The following ELAVL4 variants were observed in gnomAD, a reference collection of about 807,000 sequenced individuals.
The protein encoded by ELAVL4 is ELAV like RNA binding protein 4.
A neutral mutation model predicts 35.6 loss-of-function variants in ELAVL4; 1 was observed. That is an observed-to-expected ratio of 0.03 (90% CI 0.01 to 0.13). ELAVL4 has a LOEUF of 0.13. Among genes scored for constraint, ELAVL4 ranks in the 10% least tolerant of loss-of-function variants. The probability of loss-of-function intolerance (pLI) is 1.00; values close to 1 mark genes in which losing one functional copy is unlikely to be tolerated. For synonymous variants in ELAVL4, 156 were observed against 171.0 expected (o/e 0.91, Z 0.69); for missense variants, 267 against 464.9 (o/e 0.57, Z 3.91).
At chr1:50,170,424 G>A (rs1678792753) in intron 2 of ELAVL4, among the ~76,000 whole-genome samples, 2 of 152,086 alleles carry the variant, frequency 1.3e-5, no homozygotes, top group South Asian at 4.2e-4. Context: ...CCATGAGTTG[G>A]GTGTGTAGTA....
chr1:50,048,264 G>C (rs1663172682), intron 1 of ELAVL4: 2 of 1,404,478 alleles, frequency 1.4e-6, no homozygotes, highest in East Asian at 3.0e-5. Flanking sequence ...ACGTGGTCGC[G>C]ACTGGCTTCT....
At chr1:50,093,354 T>G (rs953151166) in intron 1 of ELAVL4, among the ~76,000 whole-genome samples, 2 of 152,222 alleles carry the variant, frequency 1.3e-5, no homozygotes, top group African/African-American at 4.8e-5. Context: ...CACACATTAC[T>G]GTGCTCAGTG....
intron 2 of ELAVL4, among the ~76,000 whole-genome samples, chr1:50,157,632 T>C (rs1256633912): frequency 6.6e-6 from 1 of 152,206 alleles, no homozygotes; most frequent in Non-Finnish European, 1.5e-5. Flanking sequence ...AATGAATGAT[T>C]TTTCCTCCAT....
chr1:50,095,205 C>A (rs1665669773), intron 1 of ELAVL4, among the ~76,000 whole-genome samples: 1 of 152,106 alleles, frequency 6.6e-6, no homozygotes, highest in Non-Finnish European at 1.5e-5. Flanking sequence ...TCAAACCCGT[C>A]TTTTGACTCC....
At chr1:50,048,195 C>T (rs1422890642) in intron 1 of ELAVL4, 6 of 1,519,006 alleles carry the variant, frequency 3.9e-6, no homozygotes, top group South Asian at 3.7e-5. Context: ...AGAAGCGCCT[C>T]GGCGCAGGCC....
chr1:50,065,116 C>T (rs1664197339), intron 1 of ELAVL4, among the ~76,000 whole-genome samples: 1 of 152,080 alleles, frequency 6.6e-6, no homozygotes, highest in Non-Finnish European at 1.5e-5. Context: ...AGTTACAGCC[C>T]AACCAGTCTG....
chr1:50,104,366 A>G (rs1159984673), upstream of ELAVL4, among the ~76,000 whole-genome samples: 1 of 152,256 alleles, frequency 6.6e-6, no homozygotes, highest in African/African-American at 2.4e-5. Flanking sequence ...TGTTTAAGAC[A>G]TATGGTGAGT....
chr1:50,146,504 G>A (rs753878022), intron 2 of ELAVL4, among the ~76,000 whole-genome samples: 2 of 152,088 alleles, frequency 1.3e-5, no homozygotes, highest in African/African-American at 4.8e-5. Context: ...TGGTCCCTCA[G>A]TAAATAAATC....
chr1:50,079,769 T>C (rs1053239499), intron 1 of ELAVL4, among the ~76,000 whole-genome samples: 1 of 152,142 alleles, frequency 6.6e-6, no homozygotes, highest in African/African-American at 2.4e-5. Flanking sequence ...AAACTTAAGG[T>C]TTTAGTTGTT....
At chr1:50,139,695 T>G (rs1672491186) in intron 1 of ELAVL4, among the ~76,000 whole-genome samples, 1 of 152,084 alleles carries the variant, frequency 6.6e-6, no homozygotes, top group South Asian at 2.1e-4. Flanking sequence ...TTGAGAGAGG[T>G]GCCAGAAGGG....
chr1:50,118,540 C>T (rs1668346922), intron 1 of ELAVL4, among the ~76,000 whole-genome samples: 1 of 151,848 alleles, frequency 6.6e-6, no homozygotes, highest in African/African-American at 2.4e-5. Flanking sequence ...CCACAAAAGC[C>T]TTGGCGTAGT....
rs184465122 is a variant in ELAVL4, at chr1:50,141,033, G to A, written c.10-3924G>A. 5.5e-3 allele frequency among the ~76,000 whole-genome samples: 844 copies of A among 152,226 alleles called. 5 individuals carry two copies. The highest frequency in any genetic ancestry group is 8.6e-3 in the Non-Finnish European group (583 of 68,014). ...GCAAGGAAGGCCACAAAGCTGATGCGGGGACTGAAATTACTTTGCTGCAGC... is the reference window on the plus strand; with the variant it reads ...GCAAGGAAGGCCACAAAGCTGATGCAGGGACTGAAATTACTTTGCTGCAGC... On this transcript the variant is annotated intron_variant, in intron 1 of 6. Coordinates refer to ENST00000371824, the MANE Select transcript of ELAVL4 (RefSeq NM_001144774.3).
At chr1:50,057,202 A>C (rs553527591) in intron 1 of ELAVL4, among the ~76,000 whole-genome samples, 133 of 152,160 alleles carry the variant, frequency 8.7e-4, no homozygotes, top group African/African-American at 3.1e-3. Flanking sequence ...AAGTAAAAAA[A>C]AAAATAATAG....
intron 6 of ELAVL4, among the ~76,000 whole-genome samples, chr1:50,200,207 C>T (rs961061232): frequency 2.0e-5 from 3 of 152,048 alleles, no homozygotes; most frequent in Non-Finnish European, 2.9e-5. Flanking sequence ...TTCATTGTCA[C>T]GTATCTCCAT....
chr1:50,183,940 T>C (rs1681438173), intron 3 of ELAVL4, among the ~76,000 whole-genome samples: 1 of 152,138 alleles, frequency 6.6e-6, no homozygotes, highest in Non-Finnish European at 1.5e-5. Context: ...CCATTACCGC[T>C]AGTCACAACC....
intron 1 of ELAVL4, among the ~76,000 whole-genome samples, chr1:50,074,498 T>C (rs149660171): frequency 1.3e-5 from 2 of 152,346 alleles, no homozygotes; most frequent in Non-Finnish European, 2.9e-5. Flanking sequence ...TTGTCAAATA[T>C]TCACTGAGGC....
At chr1:50,174,480 TTTTG>T (rs1451635791) in intron 2 of ELAVL4, 75 of 142,958 alleles carry the variant, frequency 5.2e-4, no homozygotes, top group African/African-American at 1.5e-3. Context: ...TTCATCTGTT[TTTTG>T]TTTGTTTTTT....
intron 2 of ELAVL4, among the ~76,000 whole-genome samples, chr1:50,176,568 A>G (rs1680075486): frequency 6.6e-6 from 1 of 152,206 alleles, no homozygotes; most frequent in Admixed American, 6.5e-5. Flanking sequence ...AATCTAGACA[A>G]TGTACTTGGT....
At chr1:50,196,277 T>C (rs1425611067) in intron 5 of ELAVL4, among the ~76,000 whole-genome samples, 4 of 152,192 alleles carry the variant, frequency 2.6e-5, no homozygotes, top group African/African-American at 9.7e-5. Flanking sequence ...CTTATTATGT[T>C]AAGTCAGTAG....
Sources: allele counts gnomAD v4.1 joint callset (sites outside exome capture counted in the v4.1 genomes callset), GRCh38; gene constraint gnomAD v4.1.1; transcripts MANE v1.5; gene names NCBI Gene and HGNC (gene_info 2026-07-23, HGNC 2026-07-21).